The following KLHL32 variants were observed in gnomAD, a reference collection of about 807,000 sequenced individuals.
The protein encoded by KLHL32 is kelch-like protein 32.
KLHL32 carries 35 observed loss-of-function variants against 64.8 expected under a neutral mutation model. The ratio of observed to expected loss-of-function variants is 0.54; its 90% confidence interval spans 0.41 to 0.72. The LOEUF (loss-of-function observed/expected upper bound fraction) is 0.72, where lower values mean the gene tolerates loss of function less well. Ranked by LOEUF, KLHL32 falls within the 30% of genes least tolerant of loss-of-function variation. KLHL32 has a pLI of 0.00. For synonymous variants in KLHL32, 259 were observed against 281.0 expected (o/e 0.92, Z 0.78); for missense variants, 589 against 768.5 (o/e 0.77, Z 2.76).
chr6:96,927,051 T>C (rs1188173344), intron 1 of KLHL32, among the ~76,000 whole-genome samples: 1 of 152,212 alleles, frequency 6.6e-6, no homozygotes, highest in African/African-American at 2.4e-5. Flanking sequence ...TCTACCTTTG[T>C]TTTTCAATAA....
Position 96,999,328 on chromosome 6 carries a change from C to T in KLHL32, c.204+23151C>T, listed in dbSNP as rs557141026. ...GGAGGGTCATTTGAGCCTGGGAAGTCGAGGCTGCAGTGAGGCATGATTGTG... is the reference window on the plus strand; with the variant it reads ...GGAGGGTCATTTGAGCCTGGGAAGTTGAGGCTGCAGTGAGGCATGATTGTG... On this transcript the variant is annotated intron_variant, in intron 3 of 10. Transcript: ENST00000369261. 1.3e-4 allele frequency among the ~76,000 whole-genome samples: 20 copies of T among 152,202 alleles called. 2 individuals are homozygous for T. The South Asian group carries it at 3.7e-3, about 28-fold the overall frequency.
intron 8 of KLHL32, among the ~76,000 whole-genome samples, chr6:97,128,976 A>G (rs1799157621): frequency 6.6e-6 from 1 of 152,244 alleles, no homozygotes; most frequent in Non-Finnish European, 1.5e-5. Flanking sequence ...CAGAGTTTTG[A>G]GTTAAATACA....
intron 5 of KLHL32, 110 bp from the exon 6 acceptor site, chr6:97,085,016 C>T: frequency 1.2e-6 from 1 of 809,786 alleles, no homozygotes; most frequent in Non-Finnish European, 2.0e-6. Flanking sequence ...CCTCCCATTT[C>T]TCCCACCACT....
intron 1 of KLHL32, among the ~76,000 whole-genome samples, chr6:96,931,398 G>T (rs183177424): frequency 1.8e-4 from 27 of 152,268 alleles, no homozygotes; most frequent in African/African-American, 6.3e-4. Context: ...AGCAGGAACT[G>T]CTAGCAGCCT....
At chr6:97,092,802 G>A (rs993460404) in intron 6 of KLHL32, among the ~76,000 whole-genome samples, 13 of 152,108 alleles carry the variant, frequency 8.5e-5, no homozygotes, top group African/African-American at 2.2e-4. Context: ...TTTGCAAGAC[G>A]CATGACATGT....
At chr6:97,134,182 C>A (rs560228272) in intron 10 of KLHL32, among the ~76,000 whole-genome samples, 33 of 152,002 alleles carry the variant, frequency 2.2e-4, no homozygotes, top group African/African-American at 7.7e-4. Flanking sequence ...AAAAAGTAAT[C>A]TCAAAGAAAG....
chr6:96,913,431 A>G, the KLHL32 span, among the ~76,000 whole-genome samples: 1 of 152,200 alleles, frequency 6.6e-6, no homozygotes, highest in Non-Finnish European at 1.5e-5. Flanking sequence ...TTGCTGGCAC[A>G]TGTTTAATAC....
chr6:96,974,482 T>C (rs1199934183), intron 2 of KLHL32, among the ~76,000 whole-genome samples: 1 of 152,222 alleles, frequency 6.6e-6, no homozygotes, highest in Non-Finnish European at 1.5e-5. Flanking sequence ...CTTGAGCTAC[T>C]AGATGAATAT....
At chr6:96,970,642 T>C (rs1775008011) in intron 2 of KLHL32, among the ~76,000 whole-genome samples, 1 of 152,170 alleles carries the variant, frequency 6.6e-6, no homozygotes, top group South Asian at 2.1e-4. Flanking sequence ...TGGCACAGGC[T>C]TAATAAATAT....
rs1263049060 is a variant in KLHL32, at chr6:97,013,814, T to C, written c.205-27678T>C. Among the ~76,000 whole-genome samples the C allele has an allele frequency of 2.0e-5, 3 of 152,360 alleles. No individual in the cohort carries two copies. The East Asian group carries it at 5.8e-4, about 29-fold the overall frequency. ...CGTATTATGGGAGTCAAGCCAACTT[T>C]GCAACTTGCTGTGACTTATTATATT... On this transcript the variant is annotated intron_variant, in intron 3 of 10. Transcript: ENST00000369261.
At chr6:96,987,600 T>G (rs1350707511) in intron 3 of KLHL32, among the ~76,000 whole-genome samples, 1 of 152,188 alleles carries the variant, frequency 6.6e-6, no homozygotes, top group East Asian at 1.9e-4. Flanking sequence ...TGGAAAAAAC[T>G]ACTTTAAAGT....
At chr6:96,949,197 ACTGTGT>A (rs550102705) in intron 1 of KLHL32, among the ~76,000 whole-genome samples, 121 of 152,324 alleles carry the variant, frequency 7.9e-4, no homozygotes, top group African/African-American at 2.8e-3. Context: ...CTTGTTTTAA[ACTGTGT>A]CTTCTAAAGG....
At chr6:97,131,544 G>T (rs969360301) in intron 9 of KLHL32, among the ~76,000 whole-genome samples, 1 of 152,088 alleles carries the variant, frequency 6.6e-6, no homozygotes, top group Non-Finnish European at 1.5e-5. Flanking sequence ...AAAGTAACAC[G>T]GTGAACAACT....
intron 5 of KLHL32, among the ~76,000 whole-genome samples, chr6:97,080,328 AG>A (rs1792302617): frequency 6.6e-6 from 1 of 152,222 alleles, no homozygotes; most frequent in African/African-American, 2.4e-5. Flanking sequence ...AGAATTGGAT[AG>A]GCATATTGGA....
rs952345146 is a variant in KLHL32, at chr6:97,114,197, C to T, written c.1042C>T (p.Leu348=). The change falls in exon 7 of 11, where the codon CTG becomes TTG. Residue 348 remains leucine (L), a synonymous_variant. Transcript: ENST00000369261. ...TTGTGTGGCAGTCATGGGGGACTTC[C>T]TGTTTGTGGCAGGAGGGGAAGTTGA... The part of the protein sequence containing the change: ...HHCVAVMGDF[L]FVAGGEVEHA... 6.2e-7 allele frequency: 1 copy of T among 1,614,126 alleles called. No homozygotes were observed. The highest frequency in any genetic ancestry group is 8.5e-7 in the Non-Finnish European group (1 of 1,180,024).
At chr6:97,064,835 G>C in intron 5 of KLHL32, 109 bp downstream of exon 5, 1 of 839,390 alleles carries the variant, frequency 1.2e-6, no homozygotes, top group Non-Finnish European at 1.9e-6. Context: ...GGGGTGGGGT[G>C]TGGGCTGTGG....
At chr6:97,000,272 C>T (rs1258524158) in intron 3 of KLHL32, among the ~76,000 whole-genome samples, 1 of 152,188 alleles carries the variant, frequency 6.6e-6, no homozygotes, top group East Asian at 1.9e-4. Context: ...ATTGATGCTA[C>T]TCAAAGTGTG....
chr6:97,085,499 A>G (rs1793274328), intron 6 of KLHL32, among the ~76,000 whole-genome samples, 158 bp downstream of exon 6: 1 of 152,202 alleles, frequency 6.6e-6, no homozygotes, highest in Admixed American at 6.5e-5. Context: ...ATTGGAGAAC[A>G]CTGGCCCTTG....
intron 6 of KLHL32, among the ~76,000 whole-genome samples, chr6:97,102,846 CTTTTA>C (rs1795904144): frequency 6.6e-6 from 1 of 151,386 alleles, no homozygotes; most frequent in Non-Finnish European, 1.5e-5. Flanking sequence ...ATACATATAA[CTTTTA>C]TTTTAGGTTT....
Sources: gnomAD v4.1 joint callset for allele counts (sites outside exome capture counted in the v4.1 genomes callset) on GRCh38, gnomAD v4.1.1 for gene constraint, MANE v1.5 for transcripts, NCBI Gene and HGNC (gene_info 2026-07-23, HGNC 2026-07-21) for gene names.